RBBP4: variants seen among roughly 807,000 people sequenced by gnomAD.
The protein encoded by RBBP4 is RB binding protein 4, chromatin remodeling factor.
In RBBP4, 3 loss-of-function variants were observed where a neutral mutation model predicts 57.2. That is an observed-to-expected ratio of 0.05 (90% CI 0.02 to 0.14). RBBP4 has a LOEUF of 0.14. Ranked by LOEUF, RBBP4 falls within the 10% of genes least tolerant of loss-of-function variation. RBBP4 has a pLI of 1.00. For missense variants in RBBP4, 107 were observed against 520.6 expected (o/e 0.21, Z 7.73); for synonymous variants, 151 against 171.5 (o/e 0.88, Z 0.93).
intron 2 of RBBP4, among the ~76,000 whole-genome samples, chr1:32,653,666 G>GTTTTTTTTGT (rs1648005827): frequency 2.6e-5 from 1 of 39,072 alleles, no homozygotes; most frequent in Non-Finnish European, 5.0e-5. Flanking sequence ...TTTTGTTTTT[G>GTTTTTTTTGT]TTTTTTTTTT....
At chr1:32,677,480 AACAAAACAAAAAAC>A (rs963439126) in intron 11 of RBBP4, among the ~76,000 whole-genome samples, 2 of 121,736 alleles carry the variant, frequency 1.6e-5, no homozygotes, top group East Asian at 2.6e-4. Context: ...TAAAAAAAAA[AACAAAACAAAAAAC>A]AAACAAAAAA....
At chr1:32,666,708 G>A (rs1648663386) in intron 3 of RBBP4, among the ~76,000 whole-genome samples, 1 of 152,064 alleles carries the variant, frequency 6.6e-6, no homozygotes, top group South Asian at 2.1e-4. Context: ...GGATTACCCA[G>A]GTGCCGAGGC....
intron 3 of RBBP4, among the ~76,000 whole-genome samples, chr1:32,659,157 G>A (rs1174427084): frequency 6.8e-6 from 1 of 147,238 alleles, no homozygotes; most frequent in Non-Finnish European, 1.5e-5. Flanking sequence ...TAAAATATAT[G>A]TAATTTTACA....
rs1283122514 is a variant in RBBP4 at position 32,676,634 on chromosome 1, AG to A, written c.1213-3005del. Among the ~76,000 whole-genome samples the A allele has an allele frequency of 0.04, 263 of 6,502 alleles. 8 individuals are homozygous for A. The Middle Eastern group carries it at 0.6, about 15-fold the overall frequency. 4.3% of individuals were successfully genotyped at this position (6,502 alleles called of 152,430 possible). On this transcript the variant is annotated intron_variant, in intron 11 of 11. Transcript: ENST00000373493. ...TCTCAAAAAAAAAAAAAAAAGAAAA[AG>A]AAAAGCTGTTTGCTAAAATGTGCTT...
At chr1:32,651,495 G>C in intron 1 of RBBP4, 173 bp downstream of exon 1, 1 of 1,358,888 alleles carries the variant, frequency 7.4e-7, no homozygotes, top group South Asian at 2.1e-5. Context: ...AGTTCCCTGG[G>C]ACCGATTTCG....
intron 11 of RBBP4, among the ~76,000 whole-genome samples, chr1:32,676,184 AAAAG>A (rs1482289178): frequency 1.3e-5 from 2 of 152,230 alleles, no homozygotes; most frequent in Non-Finnish European, 1.5e-5. Flanking sequence ...CTAAAGGAAG[AAAAG>A]AAAGAAGTAC....
chr1:32,659,755 G>A (rs1648318694), intron 3 of RBBP4, among the ~76,000 whole-genome samples: 1 of 152,096 alleles, frequency 6.6e-6, no homozygotes, highest in African/African-American at 2.4e-5. Context: ...TAATATATCT[G>A]GGGCATGTAT....
At position 32,659,968 on chromosome 1, in the gene RBBP4, C is replaced by T. The variant is rs534159323; in HGVS notation, c.310+2396C>T. Among the ~76,000 whole-genome samples the T allele has an allele frequency of 1.2e-3, 182 of 152,298 alleles. 1 individual carries two copies. The highest frequency in any genetic ancestry group is 3.9e-3 in the African/African-American group (163 of 41,578). On this transcript the variant is annotated intron_variant, in intron 3 of 11. Transcript: ENST00000373493. Reference sequence around the variant, plus strand: ...ATATAATTGATACTGCTAAGTTGCACTCCAGAAAAAGATTTGAAGTCCCAC... The same window carrying T: ...ATATAATTGATACTGCTAAGTTGCATTCCAGAAAAAGATTTGAAGTCCCAC...
chr1:32,656,895 C>A (rs1290427354), intron 2 of RBBP4, among the ~76,000 whole-genome samples: 1 of 152,118 alleles, frequency 6.6e-6, no homozygotes, highest in Non-Finnish European at 1.5e-5. Context: ...TTTGCTTTCC[C>A]TCCAACCTGT....
intron 1 of RBBP4, 22 bp downstream of exon 1, chr1:32,651,344 C>T (rs1461205526): frequency 2.1e-6 from 3 of 1,445,900 alleles, no homozygotes; most frequent in Admixed American, 5.8e-5. Flanking sequence ...GGGGCCGACC[C>T]AGGAGGGCAG....
At position 32,679,934 on chromosome 1, in the gene RBBP4, T is replaced by C; in HGVS notation, c.*229T>C. 3 of 1,298,244 alleles carry C rather than the reference T, an allele frequency of 2.3e-6. No homozygotes were observed. The highest frequency in any genetic ancestry group is 2.9e-6 in the Non-Finnish European group (3 of 1,026,516). 80.4% of individuals were successfully genotyped at this position (1,298,244 alleles called of 1,614,324 possible). On this transcript the variant is annotated 3_prime_UTR_variant, in exon 12 of 12. Coordinates refer to ENST00000373493, the MANE Select transcript of RBBP4 (RefSeq NM_005610.3). ...GAAATTTTCTTCAGGAATTTTCTAG[T>C]AACCCAGGTCTAAAGTAGCTACAGA...
chr1:32,676,625 AAAAGAAAAAG>A (rs1171742978), intron 11 of RBBP4, among the ~76,000 whole-genome samples: 1 of 33,768 alleles, frequency 3.0e-5, no homozygotes, highest in African/African-American at 4.5e-5. Context: ...AAAAAAAAAA[AAAAGAAAAAG>A]AAAAGCTGTT....
chr1:32,658,578 G>C (rs2642552), intron 3 of RBBP4, among the ~76,000 whole-genome samples: 1 of 142,344 alleles, frequency 7.0e-6, no homozygotes, highest in South Asian at 2.2e-4. Flanking sequence ...ATGGAGTCTC[G>C]CTCTGCTGCC....
At chr1:32,663,812 G>A (rs924122162) in intron 3 of RBBP4, among the ~76,000 whole-genome samples, 3 of 151,936 alleles carry the variant, frequency 2.0e-5, no homozygotes, top group African/African-American at 7.3e-5. Context: ...TCCTGACCTC[G>A]TGATCCGCCT....
chr1:32,657,992 A>G (rs2148517991), intron 3 of RBBP4, among the ~76,000 whole-genome samples: 1 of 152,202 alleles, frequency 6.6e-6, no homozygotes, highest in Admixed American at 6.6e-5. Flanking sequence ...AGCTGGGATT[A>G]CAGGCGCCCG....
At chr1:32,679,566 C>A in intron 11 of RBBP4, 74 bp from the exon 12 acceptor site, 1 of 1,348,190 alleles carries the variant, frequency 7.4e-7, no homozygotes, top group Non-Finnish European at 1.0e-6. Flanking sequence ...GGCTTCCTGG[C>A]CTAATCTGTT....
At chr1:32,668,569 C>A in intron 4 of RBBP4, 170 bp from the exon 5 acceptor site, 1 of 874,092 alleles carries the variant, frequency 1.1e-6, no homozygotes, top group Non-Finnish European at 1.7e-6. Context: ...TGCTTTTTTA[C>A]ATAGAACAAA....
intron 11 of RBBP4, among the ~76,000 whole-genome samples, chr1:32,677,413 C>T (rs781635437): frequency 5.9e-5 from 9 of 151,908 alleles, no homozygotes; most frequent in Non-Finnish European, 1.0e-4. Context: ...TCTGCAGCCC[C>T]TCCCCACCTT....
Position 32,680,200 on chromosome 1 carries a change from G to C in RBBP4, c.*495G>C, listed in dbSNP as rs1215071377. On this transcript the variant is annotated 3_prime_UTR_variant, in exon 12 of 12. Transcript: ENST00000373493. ...CTTTCCAGGATGCACATTTTCATAC[G>C]TAGACCAGTTTCCTCTTGGTTTCTT... 1 of 1,109,570 alleles carries C rather than the reference G, an allele frequency of 9.0e-7. No individual in the cohort carries two copies. Among genetic ancestry groups the C allele is most frequent in the African/African-American group, 1.6e-5 (1 of 60,630 alleles). The allele number at this position is 1,109,570 out of a possible 1,614,324, so 68.7% of individuals were successfully genotyped here. A position where few individuals can be genotyped will look rare whatever the true frequency, so the allele number is the denominator to read the frequency against.
Sources: gnomAD v4.1 joint callset for allele counts (sites outside exome capture counted in the v4.1 genomes callset) on GRCh38, gnomAD v4.1.1 for gene constraint, MANE v1.5 for transcripts, NCBI Gene and HGNC (gene_info 2026-07-23, HGNC 2026-07-21) for gene names.